CA5A: variants seen among roughly 807,000 people sequenced by gnomAD.
CA5A encodes carbonic anhydrase 5A, mitochondrial.
Under a neutral mutation model 37.1 loss-of-function variants are expected in CA5A, and 28 were observed. That is an observed-to-expected ratio of 0.75 (90% CI 0.56 to 1.03). The LOEUF (loss-of-function observed/expected upper bound fraction) is 1.03, where lower values mean the gene tolerates loss of function less well. Ranked by LOEUF, CA5A falls within the 50% of genes least tolerant of loss-of-function variation. The probability of loss-of-function intolerance (pLI) is 0.00; values close to 1 mark genes in which losing one functional copy is unlikely to be tolerated. For missense variants in CA5A, 444 were observed against 399.9 expected (o/e 1.11, Z -0.94); for synonymous variants, 171 against 158.4 (o/e 1.08, Z -0.60).
chr16:87,904,420 T>G (rs537502781), intron 3 of CA5A, among the ~76,000 whole-genome samples: 2 of 152,178 alleles, frequency 1.3e-5, no homozygotes, highest in African/African-American at 4.8e-5. Flanking sequence ...GATGTTCAGC[T>G]TCTCAGCAGA....
intron 2 of CA5A, among the ~76,000 whole-genome samples, chr16:87,912,054 C>T (rs71392322): frequency 0.15 from 22,369 of 152,176 alleles, 1,861 homozygotes; most frequent in South Asian, 0.23. Context: ...GTAATCCCAG[C>T]ACTTTGGGAG....
intron 2 of CA5A, among the ~76,000 whole-genome samples, chr16:87,917,832 C>A (rs2056176159): frequency 6.9e-6 from 1 of 145,538 alleles, no homozygotes. Flanking sequence ...AACACACATG[C>A]ACACACACGT....
chr16:87,909,467 G>C (rs1195701342), intron 2 of CA5A, among the ~76,000 whole-genome samples: 3 of 152,236 alleles, frequency 2.0e-5, no homozygotes, highest in Non-Finnish European at 2.9e-5. Context: ...GCAAAGGAAG[G>C]CTGGGCCGCT....
rs574590852 is a variant in CA5A, at chr16:87,929,015, C to T, written c.143-2070G>A. Among the ~76,000 whole-genome samples, 216 of 150,266 alleles carry T rather than the reference C, an allele frequency of 1.4e-3. 2 individuals carry two copies. The highest frequency in any genetic ancestry group is 5.0e-3 in the African/African-American group (206 of 41,264). On this transcript the variant is annotated intron_variant, in intron 1 of 6. Coordinates refer to ENST00000649794, the MANE Select transcript of CA5A (RefSeq NM_001739.2). ...CCATCTCCTGACCTTGTGATCCACC[C>T]GCCTCGGCCTCCCAAAGTGCTGGGA...
intron 6 of CA5A, among the ~76,000 whole-genome samples, chr16:87,889,350 G>A (rs911871284): frequency 6.6e-5 from 10 of 151,946 alleles, no homozygotes; most frequent in African/African-American, 1.9e-4. Flanking sequence ...TACTGCACCC[G>A]GCTCAAATGA....
chr16:87,907,318 G>A (rs935861879), intron 2 of CA5A, among the ~76,000 whole-genome samples: 1 of 152,276 alleles, frequency 6.6e-6, no homozygotes, highest in African/African-American at 2.4e-5. Context: ...CTCTGTGCTC[G>A]CTTCTGCCTC....
chr16:87,906,513 G>C (rs1237701249), intron 2 of CA5A, among the ~76,000 whole-genome samples: 2 of 152,114 alleles, frequency 1.3e-5, no homozygotes, highest in Non-Finnish European at 2.9e-5. Flanking sequence ...TGTAATCCCA[G>C]CTACTCGGGA....
At chr16:87,929,599 G>A (rs1175063993) in intron 1 of CA5A, among the ~76,000 whole-genome samples, 1 of 152,050 alleles carries the variant, frequency 6.6e-6, no homozygotes, top group Non-Finnish European at 1.5e-5. Flanking sequence ...CAGGCCAGGT[G>A]CAGTTGCTCA....
At position 87,888,189 on chromosome 16, in the gene CA5A, G is replaced by A; in HGVS notation, c.858C>T (p.Pro286=). ...ACGCCCAGACCTTCCGGTTCATCAA[G>A]GGTTGAAGTGGGCGATAGTTGTTCA... The part of the protein sequence containing the change: ...MMVNNYRPLQ[P]LMNRKVWASF... The change falls in exon 7 of 7, where the codon CCC becomes CCT. Residue 286 remains proline, a synonymous_variant. Coordinates refer to ENST00000649794, the MANE Select transcript of CA5A (RefSeq NM_001739.2). 1 of 1,613,942 alleles carries A rather than the reference G, an allele frequency of 6.2e-7. No individual in the cohort carries two copies. Among genetic ancestry groups the A allele is most frequent in the Non-Finnish European group, 8.5e-7 (1 of 1,179,858 alleles).
chr16:87,906,484 G>A (rs2055963321), intron 2 of CA5A, among the ~76,000 whole-genome samples: 1 of 152,088 alleles, frequency 6.6e-6, no homozygotes. Context: ...AAAATTAGCT[G>A]GGTGTGGTGG....
intron 1 of CA5A, among the ~76,000 whole-genome samples, chr16:87,929,695 A>T (rs1415550835): frequency 6.6e-6 from 1 of 151,000 alleles, no homozygotes; most frequent in Non-Finnish European, 1.5e-5. Context: ...ACACCGTGAA[A>T]CCCGGTCTCT....
intron 5 of CA5A, among the ~76,000 whole-genome samples, chr16:87,894,299 G>A (rs2055769683): frequency 1.3e-5 from 2 of 152,050 alleles, no homozygotes; most frequent in Non-Finnish European, 2.9e-5. Flanking sequence ...TGTGGGACAA[G>A]AGTCCAGTCC....
rs781602118 is a variant in CA5A at position 87,936,331 on chromosome 16, T to C, written c.120A>G (p.Ala40=). Residue 40 remains alanine, a synonymous_variant, in exon 1 of 7, where the codon GCA becomes GCG. Coordinates refer to ENST00000649794, the MANE Select transcript of CA5A (RefSeq NM_001739.2). The part of the protein sequence containing the change: ...PGRWCSQRSC[A]WQTSNNTLHP... ...TACAAGTGTTATTGCTGGTTTGCCA[T>C]GCACAGGAACGCTGAGAACACCATC... 3.1e-6 allele frequency: 5 copies of C among 1,613,858 alleles called. No homozygotes were observed. Among genetic ancestry groups the C allele is most frequent in the Non-Finnish European group, 3.4e-6 (4 of 1,179,778 alleles).
intron 5 of CA5A, chr16:87,893,236 T>C: frequency 2.4e-6 from 1 of 414,120 alleles, no homozygotes; most frequent in Non-Finnish European, 4.4e-6. Context: ...CCAGCGATCC[T>C]CCTGCCTCAG....
intron 2 of CA5A, among the ~76,000 whole-genome samples, chr16:87,907,528 C>T (rs2055982786): frequency 6.6e-6 from 1 of 152,220 alleles, no homozygotes; most frequent in South Asian, 2.1e-4. Flanking sequence ...GCCTAGAAGG[C>T]AGGGATGATG....
intron 2 of CA5A, among the ~76,000 whole-genome samples, chr16:87,925,382 C>T (rs1196904278): frequency 6.6e-6 from 1 of 152,172 alleles, no homozygotes; most frequent in East Asian, 1.9e-4. Flanking sequence ...ACAGGACGGA[C>T]TTAATTCTCC....
chr16:87,927,754 A>G (rs966602394), intron 1 of CA5A, among the ~76,000 whole-genome samples: 111 of 151,560 alleles, frequency 7.3e-4, no homozygotes, highest in Middle Eastern at 3.5e-3. Flanking sequence ...CCAGGTACTC[A>G]GGAGGCTGAG....
At chr16:87,896,789 C>G (rs553732864) in intron 5 of CA5A, among the ~76,000 whole-genome samples, 1 of 152,178 alleles carries the variant, frequency 6.6e-6, no homozygotes, top group Non-Finnish European at 1.5e-5. Context: ...TACACGCATG[C>G]GCCATCACGC....
intron 2 of CA5A, among the ~76,000 whole-genome samples, chr16:87,912,989 G>T (rs1006849037): frequency 8.9e-5 from 13 of 146,466 alleles, no homozygotes; most frequent in African/African-American, 2.8e-4. Flanking sequence ...CCGCAACATG[G>T]TTTTTTTTTT....
Sources: gnomAD v4.1 joint callset for allele counts (sites outside exome capture counted in the v4.1 genomes callset) on GRCh38, gnomAD v4.1.1 for gene constraint, MANE v1.5 for transcripts, NCBI Gene and HGNC (gene_info 2026-07-23, HGNC 2026-07-21) for gene names.